The following HS3ST4 variants were observed in gnomAD, a reference collection of about 807,000 sequenced individuals.
The protein encoded by HS3ST4 is heparan sulfate-glucosamine 3-sulfotransferase 4, also known as heparan sulfate glucosamine 3-O-sulfotransferase 4.
A neutral mutation model predicts 29.2 loss-of-function variants in HS3ST4; 17 were observed. That is an observed-to-expected ratio of 0.58 (90% CI 0.40 to 0.87). HS3ST4 has a LOEUF of 0.87. Ranked by LOEUF, HS3ST4 falls within the 40% of genes least tolerant of loss-of-function variation. The pLI, the probability that HS3ST4 is intolerant of heterozygous loss-of-function variation, is 0.00. For missense variants in HS3ST4, 627 were observed against 634.5 expected (o/e 0.99, Z 0.13); for synonymous variants, 314 against 285.7 (o/e 1.10, Z -1.00).
intron 1 of HS3ST4, among the ~76,000 whole-genome samples, chr16:26,037,010 A>G (rs545361077): frequency 6.6e-6 from 1 of 152,200 alleles, no homozygotes; most frequent in Non-Finnish European, 1.5e-5. Context: ...CAACCCCTCC[A>G]TGACTTAAAT....
chr16:26,125,507 C>A (rs545290614), intron 1 of HS3ST4, among the ~76,000 whole-genome samples: 2 of 152,348 alleles, frequency 1.3e-5, no homozygotes, highest in East Asian at 3.9e-4. Flanking sequence ...TATAGCCCCG[C>A]TCCTAACAGG....
At chr16:25,827,793 A>G (rs1967235501) in intron 1 of HS3ST4, among the ~76,000 whole-genome samples, 1 of 152,128 alleles carries the variant, frequency 6.6e-6, no homozygotes, top group African/African-American at 2.4e-5. Flanking sequence ...TATGTGCCAG[A>G]TTGATTTGTG....
At chr16:25,831,187 G>A (rs766725305) in intron 1 of HS3ST4, among the ~76,000 whole-genome samples, 4 of 152,050 alleles carry the variant, frequency 2.6e-5, no homozygotes, top group Non-Finnish European at 5.9e-5. Context: ...ACCCCATCAA[G>A]GGTGCTCTCT....
chr16:26,107,021 G>T (rs1000906972), intron 1 of HS3ST4, among the ~76,000 whole-genome samples: 1 of 151,886 alleles, frequency 6.6e-6, no homozygotes, highest in Non-Finnish European at 1.5e-5. Flanking sequence ...TCACAACTTG[G>T]GCTAGCTACC....
At chr16:25,937,864 A>G (rs1968532208) in intron 1 of HS3ST4, among the ~76,000 whole-genome samples, 1 of 152,206 alleles carries the variant, frequency 6.6e-6, no homozygotes, top group Non-Finnish European at 1.5e-5. Flanking sequence ...GAATGAGCAG[A>G]TTCAGCAATT....
At chr16:26,029,580 T>G (rs1969514056) in intron 1 of HS3ST4, among the ~76,000 whole-genome samples, 2 of 152,160 alleles carry the variant, frequency 1.3e-5, no homozygotes, top group Admixed American at 1.3e-4. Context: ...GCCCGGCTAA[T>G]TTTTGAATTT....
intron 1 of HS3ST4, among the ~76,000 whole-genome samples, chr16:26,119,400 A>G (rs1899242050): frequency 6.6e-6 from 1 of 152,224 alleles, no homozygotes; most frequent in Non-Finnish European, 1.5e-5. Flanking sequence ...TGTTTTAGAA[A>G]TAGAGGCCAC....
intron 1 of HS3ST4, among the ~76,000 whole-genome samples, chr16:25,728,074 T>C (rs898488109): frequency 6.6e-6 from 1 of 152,214 alleles, no homozygotes; most frequent in African/African-American, 2.4e-5. Flanking sequence ...CCATCTCGGC[T>C]CACTGCAACC....
chr16:25,987,355 A>T (rs1969074952), intron 1 of HS3ST4, among the ~76,000 whole-genome samples: 1 of 152,162 alleles, frequency 6.6e-6, no homozygotes, highest in Non-Finnish European at 1.5e-5. Context: ...AACTCAAAAA[A>T]AAAAAAAGCA....
intron 1 of HS3ST4, among the ~76,000 whole-genome samples, chr16:25,888,800 C>T (rs1967979744): frequency 6.6e-6 from 1 of 152,180 alleles, no homozygotes; most frequent in South Asian, 2.1e-4. Flanking sequence ...AACAAAACAA[C>T]AACAACAACA....
intron 1 of HS3ST4, among the ~76,000 whole-genome samples, chr16:25,777,722 C>G (rs536460445): frequency 6.6e-6 from 1 of 152,032 alleles, no homozygotes; most frequent in Non-Finnish European, 1.5e-5. Context: ...GAGCTGAGAT[C>G]GCGCCACTGC....
intron 1 of HS3ST4, among the ~76,000 whole-genome samples, chr16:26,102,573 A>G (rs1416316124): frequency 1.3e-5 from 2 of 152,082 alleles, no homozygotes; most frequent in African/African-American, 2.4e-5. Context: ...GAGGCTCTTT[A>G]TCCCGTTCAA....
At chr16:26,061,577 A>C (rs1341050005) in intron 1 of HS3ST4, among the ~76,000 whole-genome samples, 3 of 152,208 alleles carry the variant, frequency 2.0e-5, no homozygotes, top group Non-Finnish European at 4.4e-5. Context: ...GTTTGTCCAG[A>C]ATTAATGTAG....
intron 1 of HS3ST4, among the ~76,000 whole-genome samples, chr16:26,077,332 G>A (rs1367668979): frequency 1.3e-5 from 2 of 152,192 alleles, no homozygotes; most frequent in Admixed American, 1.3e-4. Flanking sequence ...CAGATTCAAG[G>A]AGACAGGGAA....
At position 26,072,915 on chromosome 16, in the gene HS3ST4, T is replaced by A. The variant is rs900627840; in HGVS notation, c.735-62697T>A. Among the ~76,000 whole-genome samples, 10 of 152,236 alleles carry A rather than the reference T, an allele frequency of 6.6e-5. 1 individual carries two copies. The highest frequency in any genetic ancestry group is 6.5e-4 in the Admixed American group (10 of 15,276). On this transcript the variant is annotated intron_variant, in intron 1 of 1. Coordinates refer to ENST00000331351, the MANE Select transcript of HS3ST4 (RefSeq NM_006040.3). The stretch of plus-strand genomic sequence containing the variant: ...TTCATGTTGAGCCAAAAGTTGTTCA[T>A]TGTAGTAGAAAAGTAAATCTCTACA...
At chr16:25,738,393 CT>C (rs1283551701) in intron 1 of HS3ST4, among the ~76,000 whole-genome samples, 2 of 152,216 alleles carry the variant, frequency 1.3e-5, no homozygotes, top group East Asian at 3.9e-4. Flanking sequence ...ATAGTCCAAT[CT>C]TGTTTCTAAC....
chr16:26,042,549 C>T (rs1025777615), intron 1 of HS3ST4, among the ~76,000 whole-genome samples: 6 of 152,216 alleles, frequency 3.9e-5, no homozygotes, highest in East Asian at 3.8e-4. Flanking sequence ...GGCGATTACC[C>T]GGGCTACCGC....
chr16:25,768,052 A>AG (rs1160446453), intron 1 of HS3ST4, among the ~76,000 whole-genome samples: 3 of 152,002 alleles, frequency 2.0e-5, no homozygotes, highest in Non-Finnish European at 2.9e-5. Flanking sequence ...AGGGGGTGGC[A>AG]GGGGAGTGCG....
chr16:25,706,601 C>T (rs546390180), intron 1 of HS3ST4, among the ~76,000 whole-genome samples: 60 of 152,052 alleles, frequency 3.9e-4, no homozygotes, highest in African/African-American at 1.3e-3. Context: ...TCTCACTGTT[C>T]GGCTCCCACT....
Sources: allele counts gnomAD v4.1 joint callset (sites outside exome capture counted in the v4.1 genomes callset), GRCh38; gene constraint gnomAD v4.1.1; transcripts MANE v1.5; gene names NCBI Gene and HGNC (gene_info 2026-07-23, HGNC 2026-07-21).